BACH2: variants seen among roughly 807,000 people sequenced by gnomAD.
BACH2 encodes BACH transcriptional regulator 2, also known as transcription regulator protein BACH2.
In BACH2, 5 loss-of-function variants were observed where a neutral mutation model predicts 61.8. The ratio of observed to expected loss-of-function variants is 0.08; its 90% confidence interval spans 0.04 to 0.17. The LOEUF is 0.17. Among genes scored for constraint, BACH2 ranks in the 10% least tolerant of loss-of-function variants. The probability of loss-of-function intolerance (pLI) is 1.00; values close to 1 mark genes in which losing one functional copy is unlikely to be tolerated. For missense variants in BACH2, 824 were observed against 1,091.1 expected, an observed-to-expected ratio of 0.76 and a Z score of 3.45; for synonymous variants, 446 against 440.1, an observed-to-expected ratio of 1.01 and a Z score of -0.17.
chr6:89,963,429 GACAGGAGGCACAT>G (rs1412325962), intron 6 of BACH2, among the ~76,000 whole-genome samples: 7 of 152,076 alleles, frequency 4.6e-5, no homozygotes, highest in Non-Finnish European at 1.0e-4. Context: ...AAGTAGCTGG[GACAGGAGGCACAT>G]ACCGTCATGC....
At chr6:90,195,405 C>T (rs1349797457) in intron 4 of BACH2, among the ~76,000 whole-genome samples, 4 of 152,160 alleles carry the variant, frequency 2.6e-5, no homozygotes, top group African/African-American at 9.7e-5. Flanking sequence ...CTCTGAGGTT[C>T]CTTGATTACA....
chr6:90,289,470 AT>A (rs1403682870), intron 1 of BACH2, among the ~76,000 whole-genome samples: 1 of 152,208 alleles, frequency 6.6e-6, no homozygotes. Context: ...AGCATGAAGT[AT>A]AATCAATTTA....
chr6:90,006,326 A>G (rs1582181266), intron 6 of BACH2, among the ~76,000 whole-genome samples: 1 of 152,202 alleles, frequency 6.6e-6, no homozygotes, highest in Non-Finnish European at 1.5e-5. Flanking sequence ...TCATGGCAGG[A>G]CAGCTAGTTA....
intron 3 of BACH2, among the ~76,000 whole-genome samples, chr6:90,240,399 T>C (rs568671890): frequency 2.0e-5 from 3 of 152,228 alleles, no homozygotes; most frequent in Non-Finnish European, 4.4e-5. Flanking sequence ...TGAATTTTAA[T>C]ATAATTTATG....
intron 6 of BACH2, among the ~76,000 whole-genome samples, chr6:89,992,659 T>A (rs1224435828): frequency 2.4e-4 from 36 of 151,624 alleles, no homozygotes. Flanking sequence ...AGAAAAACAA[T>A]CAAACAAACA....
At chr6:90,064,456 T>C (rs553801925) in intron 5 of BACH2, among the ~76,000 whole-genome samples, 12 of 152,280 alleles carry the variant, frequency 7.9e-5, no homozygotes, top group Middle Eastern at 6.8e-3. Context: ...ATGGGGACCA[T>C]GATGGGCTGC....
chr6:90,257,403 A>G (rs772906681), intron 2 of BACH2, among the ~76,000 whole-genome samples: 8 of 152,210 alleles, frequency 5.3e-5, no homozygotes, highest in Non-Finnish European at 1.0e-4. Context: ...TGACTTTTTG[A>G]TAACAGCCAT....
chr6:90,271,748 G>A (rs183521394), intron 2 of BACH2, 101 bp downstream of exon 2: 52 of 152,396 alleles, frequency 3.4e-4, no homozygotes, highest in African/African-American at 1.0e-3. Context: ...AGATGCTGGC[G>A]TGGATCTGGT....
At chr6:90,144,935 T>C (rs922919963) in intron 4 of BACH2, among the ~76,000 whole-genome samples, 2 of 152,154 alleles carry the variant, frequency 1.3e-5, no homozygotes, top group Non-Finnish European at 2.9e-5. Flanking sequence ...AGGAGACAAA[T>C]AAAGATGGGA....
intron 2 of BACH2, among the ~76,000 whole-genome samples, chr6:90,258,017 C>A (rs963453910): frequency 6.6e-6 from 1 of 152,056 alleles, no homozygotes; most frequent in African/African-American, 2.4e-5. Context: ...CTTGTGATCC[C>A]CCTACCTCAG....
chr6:90,243,614 C>T (rs1015039251), intron 3 of BACH2, among the ~76,000 whole-genome samples: 1 of 152,258 alleles, frequency 6.6e-6, no homozygotes, highest in Admixed American at 6.5e-5. Flanking sequence ...CCACACCCTC[C>T]CTAATATTAC....
chr6:90,255,220 A>T (rs1340753626), intron 2 of BACH2, among the ~76,000 whole-genome samples: 1 of 152,222 alleles, frequency 6.6e-6, no homozygotes, highest in Admixed American at 6.5e-5. Context: ...CACAAGACTG[A>T]TTCTCCAAAC....
chr6:89,936,959 G>A (rs768015493), intron 8 of BACH2, among the ~76,000 whole-genome samples: 2 of 152,052 alleles, frequency 1.3e-5, no homozygotes, highest in Non-Finnish European at 2.9e-5. Context: ...CTGTTATTTG[G>A]TGGCAGAAAG....
chr6:90,245,068 G>C (rs1028452761), intron 3 of BACH2, among the ~76,000 whole-genome samples: 2 of 151,832 alleles, frequency 1.3e-5, no homozygotes, highest in Non-Finnish European at 2.9e-5. Flanking sequence ...GTGGTGGCAG[G>C]TGCCTGTAAT....
At chr6:90,164,111 C>G (rs1377273663) in intron 4 of BACH2, among the ~76,000 whole-genome samples, 1 of 152,090 alleles carries the variant, frequency 6.6e-6, no homozygotes, top group African/African-American at 2.4e-5. Context: ...TTCAAAAAAT[C>G]AATGAATCCA....
At chr6:90,017,442 G>C (rs1778129804) in intron 5 of BACH2, among the ~76,000 whole-genome samples, 1 of 152,030 alleles carries the variant, frequency 6.6e-6, no homozygotes, top group Non-Finnish European at 1.5e-5. Flanking sequence ...AGCTGGTCTT[G>C]AACTCCTGAC....
chr6:89,985,464 C>T (rs575602821), intron 6 of BACH2, among the ~76,000 whole-genome samples: 21 of 152,146 alleles, frequency 1.4e-4, no homozygotes, highest in African/African-American at 4.6e-4. Context: ...CCAGTGGGGG[C>T]GGGACACTAA....
intron 4 of BACH2, among the ~76,000 whole-genome samples, chr6:90,168,815 T>C (rs1243509803): frequency 6.6e-6 from 1 of 152,230 alleles, no homozygotes; most frequent in African/African-American, 2.4e-5. Context: ...TGCATAACTT[T>C]AAATCTTGGA....
chr6:90,127,758 G>A (rs1300995808), intron 4 of BACH2, among the ~76,000 whole-genome samples: 1 of 152,190 alleles, frequency 6.6e-6, no homozygotes, highest in Non-Finnish European at 1.5e-5. Context: ...TCAGCTCGGC[G>A]ATCTGCTGTG....
Sources: allele counts gnomAD v4.1 joint callset (sites outside exome capture counted in the v4.1 genomes callset), GRCh38; gene constraint gnomAD v4.1.1; transcripts MANE v1.5; gene names NCBI Gene and HGNC (gene_info 2026-07-23, HGNC 2026-07-21).